PCDHA2: variants seen among roughly 807,000 people sequenced by gnomAD.
PCDHA2 encodes protocadherin alpha-2.
In PCDHA2, 58 loss-of-function variants were observed where a neutral mutation model predicts 66.0. That is an observed-to-expected ratio of 0.88 (90% CI 0.71 to 1.09). The LOEUF (loss-of-function observed/expected upper bound fraction) is 1.09, where lower values mean the gene tolerates loss of function less well. PCDHA2 is among the 50% of genes least tolerant of loss of function. The probability of loss-of-function intolerance (pLI) is 0.00; values close to 1 mark genes in which losing one functional copy is unlikely to be tolerated. For synonymous variants in PCDHA2, 634 were observed against 554.0 expected (o/e 1.14, Z -2.03); for missense variants, 1,267 against 1,242.3 (o/e 1.02, Z -0.30).
intron 1 of PCDHA2, chr5:140,856,613 A>G: frequency 6.3e-7 from 1 of 1,598,082 alleles, no homozygotes; most frequent in Non-Finnish European, 8.6e-7. Flanking sequence ...AGACAAAGAC[A>G]AATTCCCAGT....
intron 1 of PCDHA2, chr5:140,871,239 C>G: frequency 6.2e-7 from 1 of 1,613,976 alleles, no homozygotes; most frequent in Non-Finnish European, 8.5e-7. Context: ...TCCTGGTACT[C>G]ACGCTGCTGC....
Position 140,851,002 on chromosome 5 carries a change from A to T in PCDHA2, c.2388+53650A>T. The stretch of plus-strand genomic sequence containing the variant: ...TTATTCATTTTTCTAGAAATCCAGC[A>T]GATTTTTTTTCTGATAAAGTAAACC... On this transcript the variant is annotated intron_variant, in intron 1 of 3. Coordinates refer to ENST00000526136, the MANE Select transcript of PCDHA2 (RefSeq NM_018905.3). 3 of 1,438,338 alleles carry T rather than the reference A, an allele frequency of 2.1e-6. No homozygotes were observed. In the East Asian group the frequency reaches 7.2e-5, roughly 35 times the overall value. 89.1% of individuals were successfully genotyped at this position (1,438,338 alleles called of 1,614,324 possible).
chr5:140,934,999 T>C (rs2090139389), intron 1 of PCDHA2, among the ~76,000 whole-genome samples: 1 of 152,196 alleles, frequency 6.6e-6, no homozygotes, highest in Admixed American at 6.5e-5. Flanking sequence ...CCTGAATCCT[T>C]TTCATGTGAG....
At chr5:140,855,129 T>A (rs1294464792) in intron 1 of PCDHA2, among the ~76,000 whole-genome samples, 1 of 149,788 alleles carries the variant, frequency 6.7e-6, no homozygotes, top group African/African-American at 2.4e-5. Context: ...TAGGTAATAA[T>A]TTTGCCTGAT....
In PCDHA2 at chr5:140,796,740, G is replaced by A. The variant is rs868917473; in HGVS notation, c.1776G>A (p.Ala592=). Residue 592 remains alanine (A), a synonymous_variant, in exon 1 of 4, where the codon GCG becomes GCA. Transcript: ENST00000526136. ...PWSVGAGHVV[A]KVRAVDADSG... ...CGGTGGGTGCAGGGCACGTGGTGGC[G>A]AAGGTGCGCGCAGTGGACGCTGACT... 1 of 1,614,134 alleles carries A rather than the reference G, an allele frequency of 6.2e-7. No homozygotes were observed. The highest frequency in any genetic ancestry group is 1.1e-5 in the South Asian group (1 of 91,088).
rs782406571 is a variant in PCDHA2 at position 140,876,145 on chromosome 5, T to C, written c.2388+78793T>C. 1.9e-6 allele frequency: 3 copies of C among 1,613,788 alleles called. No homozygotes were observed. The East Asian group carries it at 6.7e-5, about 36-fold the overall frequency. ...TGGCGGTAAACCAGAACTAACAGGG[T>C]CTGTCCAGATTCAAATAACCGTCCT... On this transcript the variant is annotated intron_variant, in intron 1 of 3. Coordinates refer to ENST00000526136, the MANE Select transcript of PCDHA2 (RefSeq NM_018905.3).
chr5:140,855,491 A>AAG, intron 1 of PCDHA2, among the ~76,000 whole-genome samples: 1 of 149,140 alleles, frequency 6.7e-6, no homozygotes, highest in South Asian at 2.1e-4. Context: ...TTAGTGTCTA[A>AAG]ATAAACCTTA....
At chr5:140,834,321 A>G in intron 1 of PCDHA2, 1 of 1,440,210 alleles carries the variant, frequency 6.9e-7, no homozygotes, top group African/African-American at 1.4e-5. Context: ...TGAAGGGATA[A>G]AAACATTCCT....
At chr5:140,967,803 C>T (rs1042188546) in intron 1 of PCDHA2, 3 of 1,614,066 alleles carry the variant, frequency 1.9e-6, no homozygotes, top group Admixed American at 3.3e-5. Flanking sequence ...GTGCCCATGG[C>T]AGGTCACTGC....
chr5:140,829,215 A>G (rs2150163989), intron 1 of PCDHA2: 5 of 1,614,224 alleles, frequency 3.1e-6, no homozygotes, highest in Middle Eastern at 1.6e-4. Context: ...ATTAGCGTGA[A>G]CGACCTCGAT....
intron 1 of PCDHA2, among the ~76,000 whole-genome samples, chr5:140,957,345 A>G (rs1375707193): frequency 6.6e-6 from 1 of 152,170 alleles, no homozygotes; most frequent in Admixed American, 6.5e-5. Flanking sequence ...ATTTTGAGAG[A>G]GAGACCACAT....
intron 1 of PCDHA2, chr5:140,823,602 G>A (rs1554129473): frequency 1.9e-6 from 3 of 1,613,916 alleles, no homozygotes; most frequent in Admixed American, 1.7e-5. Flanking sequence ...TTTCGTATGA[G>A]CTGCAGCCAG....
intron 1 of PCDHA2, chr5:140,849,828 G>A (rs2150452288): frequency 2.5e-6 from 4 of 1,598,564 alleles, no homozygotes; most frequent in East Asian, 2.2e-5. Flanking sequence ...GTCTGTGGAG[G>A]TGGCCGACGT....
chr5:140,795,059 G>C lies in PCDHA2; in HGVS notation c.95G>C (p.Arg32Pro), dbSNP rs563648142. 4 of 1,613,784 alleles carry C rather than the reference G, an allele frequency of 2.5e-6. No individual in the cohort carries two copies. In the African/African-American group the frequency reaches 5.3e-5, roughly 22 times the overall value. ...AAWEVGSGQL[R>P]YSVPEEAKHG... is the part of the protein sequence containing the mutation. ...TGGGAGGTGGGGAGCGGCCAGCTCC[G>C]CTACTCCGTCCCCGAGGAGGCCAAA... Residue 32 changes from arginine to proline, a missense_variant, in exon 1 of 4, where the codon CGC (arginine) becomes CCC (proline). Physicochemically the swap from Arg to Pro is moderately radical, Grantham distance 103 (BLOSUM62 -2). Coordinates refer to ENST00000526136, the MANE Select transcript of PCDHA2 (RefSeq NM_018905.3).
In PCDHA2 at chr5:140,794,957, G is replaced by GACGCC. The variant is rs1761896834; in HGVS notation, c.-7_-6insCGCCA. ...CTTCTAATTTGATCAAAACATTGAG[G>GACGCC]ATTGGTAATGGCGTCTTCTATCAGA... On this transcript the variant is annotated 5_prime_UTR_variant, in exon 1 of 4. Coordinates refer to ENST00000526136, the MANE Select transcript of PCDHA2 (RefSeq NM_018905.3). 1.9e-6 allele frequency: 3 copies of GACGCC among 1,600,408 alleles called. No homozygotes were observed. The East Asian group carries it at 6.7e-5, about 36-fold the overall frequency.
chr5:140,860,972 C>G (rs539931081), intron 1 of PCDHA2: 1 of 152,196 alleles, frequency 6.6e-6, no homozygotes, highest in Non-Finnish European at 1.5e-5. Context: ...CTCCTGACCT[C>G]GTGATCCACC....
rs371246236 is a variant in PCDHA2 at position 140,876,855 on chromosome 5, A to G, written c.2388+79503A>G. ...CTGCGTTCGCGCAGCCCGAGTACACAGTGTTCGTGAAGGAGAACAACCCGC... is the reference window on the plus strand; with the variant it reads ...CTGCGTTCGCGCAGCCCGAGTACACGGTGTTCGTGAAGGAGAACAACCCGC... On this transcript the variant is annotated intron_variant, in intron 1 of 3. Coordinates refer to ENST00000526136, the MANE Select transcript of PCDHA2 (RefSeq NM_018905.3). The G allele has an allele frequency of 2.0e-4, 322 of 1,614,052 alleles. 4 individuals are homozygous for G. The East Asian group carries it at 3.4e-3, about 17-fold the overall frequency.
At chr5:140,969,457 T>C (rs1554231852) in intron 1 of PCDHA2, 1 of 1,505,602 alleles carries the variant, frequency 6.6e-7, no homozygotes, top group Admixed American at 2.2e-5. Context: ...TGAGTATATA[T>C]AGTATCCACA....
In PCDHA2 at chr5:140,984,045, T is replaced by C. The variant is rs77384794; in HGVS notation, c.2536+1482T>C. Among the ~76,000 whole-genome samples, 455 of 152,316 alleles carry C rather than the reference T, an allele frequency of 3.0e-3. 7 individuals carry two copies. In the East Asian group the frequency reaches 0.044, roughly 15 times the overall value. On this transcript the variant is annotated intron_variant, in intron 3 of 3. Transcript: ENST00000526136. ...AAGGGGAAAAACATAAAATAGTTCA[T>C]TGACAAATCTGTACCCTCAGTGCCA... is the stretch of plus-strand genomic sequence containing the variant.
Sources: allele counts gnomAD v4.1 joint callset (sites outside exome capture counted in the v4.1 genomes callset), GRCh38; gene constraint gnomAD v4.1.1; transcripts MANE v1.5; gene names NCBI Gene and HGNC (gene_info 2026-07-23, HGNC 2026-07-21).